The following POLH variants were observed in gnomAD, a reference collection of about 807,000 sequenced individuals.
POLH encodes DNA polymerase eta transcript.
A neutral mutation model predicts 73.6 loss-of-function variants in POLH; 53 were observed. The ratio of observed to expected loss-of-function variants is 0.72; its 90% CI spans 0.58 to 0.91. The LOEUF is 0.91. Among genes scored for constraint, POLH ranks in the 40% least tolerant of loss-of-function variants. The pLI is 0.00. For missense variants in POLH, 768 were observed against 865.4 expected, an observed-to-expected ratio of 0.89 and a Z score of 1.41; for synonymous variants, 292 against 308.5, an observed-to-expected ratio of 0.95 and a Z score of 0.56.
At position 43,587,438 on chromosome 6, in the gene POLH, A is replaced by G. The variant is rs1189688921; in HGVS notation, c.439A>G (p.Ile147Val). The G allele has an allele frequency of 8.1e-6, 13 of 1,614,098 alleles. No individual in the cohort carries two copies. The highest frequency in any genetic ancestry group is 1.1e-5 in the Non-Finnish European group (13 of 1,180,034). ...GGCAGACTTGTTGCCAAGCACTTAC[A>G]TTGAAGGGTTGCCCCAAGGCCCTAC... The part of the protein sequence containing the change: ...ISADLLPSTY[I>V]EGLPQGPTTA... The change falls in exon 4 of 11, where the codon ATT becomes GTT. Residue 147 changes from isoleucine to valine, a missense_variant. Coordinates refer to ENST00000372236, the MANE Select transcript of POLH (RefSeq NM_006502.3).
At chr6:43,612,298 C>T (rs1767970823) in intron 10 of POLH, among the ~76,000 whole-genome samples, 1 of 151,340 alleles carries the variant, frequency 6.6e-6, no homozygotes, top group Admixed American at 6.6e-5. Flanking sequence ...TCAAAATTAT[C>T]TGATTATAAG....
intron 4 of POLH, among the ~76,000 whole-genome samples, chr6:43,596,193 G>A (rs1766031505): frequency 6.6e-6 from 1 of 152,090 alleles, no homozygotes; most frequent in South Asian, 2.1e-4. Context: ...GAGTTAAGGG[G>A]TAAGAGCTTG....
At chr6:43,590,911 G>A (rs1765386765) in intron 4 of POLH, 1 of 141,656 alleles carries the variant, frequency 7.1e-6, no homozygotes, top group African/African-American at 2.7e-5. Flanking sequence ...TGGCGACAGA[G>A]CAAGACTCTG....
intron 4 of POLH, among the ~76,000 whole-genome samples, chr6:43,597,375 A>G (rs1321917652): frequency 2.0e-5 from 3 of 152,234 alleles, no homozygotes; most frequent in African/African-American, 7.2e-5. Context: ...TTGCTCTCCC[A>G]AAATGCTGGG....
chr6:43,596,478 G>A (rs953766272), intron 4 of POLH, among the ~76,000 whole-genome samples: 5 of 151,422 alleles, frequency 3.3e-5, no homozygotes, highest in African/African-American at 7.3e-5. Flanking sequence ...GTGAGACTTC[G>A]TCTCAAAAAA....
In POLH at chr6:43,615,715, C is replaced by T. The variant is rs1366333419; in HGVS notation, c.*1158C>T. Reference sequence around the variant, plus strand: ...TTGAGACGGAGTCTCCCTCTGTCGTCAGGCTAGAATGCAGTGGTGCGTTCT... The same window carrying T: ...TTGAGACGGAGTCTCCCTCTGTCGTTAGGCTAGAATGCAGTGGTGCGTTCT... On this transcript the variant is annotated 3_prime_UTR_variant, in exon 11 of 11. Coordinates refer to ENST00000372236, the MANE Select transcript of POLH (RefSeq NM_006502.3). 1 of 151,634 alleles carries T rather than the reference C, an allele frequency of 6.6e-6. No homozygotes were observed. The highest frequency in any genetic ancestry group is 2.4e-5 in the African/African-American group (1 of 41,270). The allele number at this position is 151,634 out of a possible 1,614,324, so 9.4% of individuals were successfully genotyped here.
In POLH at chr6:43,583,149, A is replaced by T; in HGVS notation, c.272+8A>T. The T allele has an allele frequency of 6.2e-7, 1 of 1,613,604 alleles. No homozygotes were observed. The highest frequency in any genetic ancestry group is 8.5e-7 in the Non-Finnish European group (1 of 1,179,568). ...GAAAGCTAACCTCACCAAGTAAGAA[A>T]AAAACATTATTTAAGGAGACATAAA... On this transcript the variant is annotated splice_region_variant and intron_variant, in intron 3 of 10. Coordinates refer to ENST00000372236, the MANE Select transcript of POLH (RefSeq NM_006502.3).
chr6:43,611,906 A>T (rs1767925917), intron 10 of POLH, among the ~76,000 whole-genome samples: 1 of 152,014 alleles, frequency 6.6e-6, no homozygotes, highest in Non-Finnish European at 1.5e-5. Context: ...AAATACAAAA[A>T]TTAGCCAGGC....
chr6:43,605,443 CTTTTTTTTTTT>C (rs540143863), intron 9 of POLH, 124 bp downstream of exon 9: 14 of 296,254 alleles, frequency 4.7e-5, no homozygotes, highest in Non-Finnish European at 7.2e-5. Flanking sequence ...CGTTTTCTTT[CTTTTTTTTTTT>C]TTTTTTTTTT....
intron 4 of POLH, among the ~76,000 whole-genome samples, chr6:43,592,337 T>G (rs1765547183): frequency 6.6e-6 from 1 of 152,070 alleles, no homozygotes; most frequent in Admixed American, 6.6e-5. Context: ...CATCAACTTT[T>G]CCATCTTGCC....
In POLH at chr6:43,583,095, C is replaced by T; in HGVS notation, c.226C>T (p.Leu76=). Residue 76 remains leucine (L), a synonymous_variant, in exon 3 of 11, where the codon CTA becomes TTA. Transcript: ENST00000372236. ...DDAKKLCPDL[L]LAQVRESRGK... ...TGCTAAGAAGTTATGTCCAGATCTT[C>T]TACTGGCACAAGTTCGTGAGTCCCG... is the stretch of plus-strand genomic sequence containing the variant. 1 of 1,613,870 alleles carries T rather than the reference C, an allele frequency of 6.2e-7. No individual in the cohort carries two copies. Among genetic ancestry groups the T allele is most frequent in the South Asian group, 1.1e-5 (1 of 91,078 alleles).
intron 4 of POLH, among the ~76,000 whole-genome samples, chr6:43,589,228 G>A (rs1164958701): frequency 1.3e-5 from 2 of 152,170 alleles, no homozygotes; most frequent in East Asian, 1.9e-4. Context: ...TTCGATGGCT[G>A]TTACTTGCAG....
chr6:43,607,924 AGTTCGAGGG>A (rs1417821137), intron 9 of POLH, among the ~76,000 whole-genome samples: 3 of 152,132 alleles, frequency 2.0e-5, no homozygotes, highest in Non-Finnish European at 4.4e-5. Context: ...TGAGGTCAGG[AGTTCGAGGG>A]TAGCCTGGCC....
chr6:43,582,286 T>C (rs1468631609), intron 1 of POLH, 30 bp from the exon 2 acceptor site: 3 of 1,611,002 alleles, frequency 1.9e-6, no homozygotes, highest in South Asian at 2.2e-5. Flanking sequence ...TAGGTGTTTT[T>C]CTAACTGTCC....
At chr6:43,588,135 G>C (rs772548317) in intron 4 of POLH, 1 of 159,984 alleles carries the variant, frequency 6.3e-6, no homozygotes, top group African/African-American at 2.4e-5. Flanking sequence ...TATATAAGAA[G>C]GGTGAGCTTT....
intron 9 of POLH, among the ~76,000 whole-genome samples, chr6:43,607,255 C>T (rs1767406759): frequency 6.6e-6 from 1 of 152,146 alleles, no homozygotes; most frequent in African/African-American, 2.4e-5. Context: ...CCACCACGCC[C>T]AGCTAATTTT....
chr6:43,589,292 AAT>A (rs916860617), intron 4 of POLH, among the ~76,000 whole-genome samples: 8 of 152,150 alleles, frequency 5.3e-5, no homozygotes, highest in African/African-American at 1.9e-4. Context: ...CCTAGTGACA[AAT>A]TCATTGGTTG....
intron 9 of POLH, among the ~76,000 whole-genome samples, chr6:43,610,050 T>C (rs1767713868): frequency 6.7e-6 from 1 of 150,064 alleles, no homozygotes; most frequent in African/African-American, 2.4e-5. Context: ...TGCATATATA[T>C]AGATTCTTTT....
In POLH at chr6:43,604,057, T is replaced by C. The variant is rs55743877; in HGVS notation, c.884+46T>C. On this transcript the variant is annotated intron_variant, in intron 7 of 10. Coordinates refer to ENST00000372236, the MANE Select transcript of POLH (RefSeq NM_006502.3). The stretch of plus-strand genomic sequence containing the variant: ...AAAATCATAACCTTTATGGAGATGC[T>C]ATATTCAAATATAGACAAAACCATC... 8.1e-5 allele frequency: 118 copies of C among 1,451,758 alleles called. 2 individuals carry two copies. In the East Asian group the frequency reaches 2.7e-3, roughly 33 times the overall value. The allele number at this position is 1,451,758 out of a possible 1,614,324, so 89.9% of individuals were successfully genotyped here. A position where few individuals can be genotyped will look rare whatever the true frequency, so the allele number is the denominator to read the frequency against.
Sources: allele counts gnomAD v4.1 joint callset (sites outside exome capture counted in the v4.1 genomes callset), GRCh38; gene constraint gnomAD v4.1.1; transcripts MANE v1.5; gene names NCBI Gene and HGNC (gene_info 2026-07-23, HGNC 2026-07-21).